LSAMP: variants seen among roughly 807,000 people sequenced by gnomAD.
The protein encoded by LSAMP is limbic system-associated membrane protein.
A neutral mutation model predicts 38.6 loss-of-function variants in LSAMP; 7 were observed. The observed-to-expected ratio is 0.18, with a 90% CI of 0.10 to 0.34. LSAMP has a LOEUF of 0.34. Ranked by LOEUF, LSAMP falls within the 10% of genes least tolerant of loss-of-function variation. The pLI is 1.00. For missense variants in LSAMP, 313 were observed against 420.0 expected (o/e 0.75, Z 2.23); for synonymous variants, 154 against 166.8 (o/e 0.92, Z 0.59).
intron 3 of LSAMP, among the ~76,000 whole-genome samples, chr3:115,979,542 A>C (rs1010109410): frequency 1.3e-5 from 2 of 152,184 alleles, no homozygotes; most frequent in African/African-American, 4.8e-5. Context: ...TTTTCTTTAG[A>C]AGTACCTTTG....
At chr3:116,383,228 C>T (rs920799955) in intron 1 of LSAMP, among the ~76,000 whole-genome samples, 3 of 152,028 alleles carry the variant, frequency 2.0e-5, no homozygotes, top group African/African-American at 7.2e-5. Context: ...AGTATTTTTT[C>T]GTATCTGAAA....
intron 1 of LSAMP, among the ~76,000 whole-genome samples, chr3:116,417,833 A>C (rs2107849946): frequency 6.7e-6 from 1 of 148,336 alleles, no homozygotes; most frequent in South Asian, 2.1e-4. Context: ...AGTAAAAAGT[A>C]TTTTGCTGTG....
At chr3:115,817,337 C>T (rs1577031663) in intron 6 of LSAMP, among the ~76,000 whole-genome samples, 1 of 152,174 alleles carries the variant, frequency 6.6e-6, no homozygotes, top group Non-Finnish European at 1.5e-5. Flanking sequence ...TTTATAGTTT[C>T]GTCCTCTTCA....
intron 2 of LSAMP, among the ~76,000 whole-genome samples, chr3:116,058,486 T>G (rs944164312): frequency 1.4e-4 from 22 of 152,208 alleles, no homozygotes; most frequent in South Asian, 2.1e-4. Context: ...ATTAAAAAGT[T>G]TTTTAAAAAT....
At chr3:116,297,811 TC>T (rs1317888958) in intron 1 of LSAMP, among the ~76,000 whole-genome samples, 18 of 152,352 alleles carry the variant, frequency 1.2e-4, no homozygotes, top group Non-Finnish European at 7.3e-5. Context: ...TAAATATTCA[TC>T]CTTTGCACTT....
At chr3:115,835,147 A>G (rs1401577002) in intron 6 of LSAMP, among the ~76,000 whole-genome samples, 2 of 152,208 alleles carry the variant, frequency 1.3e-5, no homozygotes, top group Non-Finnish European at 2.9e-5. Flanking sequence ...GTATAGGAGT[A>G]ACATCAAGGT....
At chr3:116,056,507 T>C (rs1178548337) in intron 2 of LSAMP, among the ~76,000 whole-genome samples, 4 of 152,150 alleles carry the variant, frequency 2.6e-5, no homozygotes, top group Non-Finnish European at 4.4e-5. Context: ...TGGTACTTAT[T>C]ATTAGTAGAA....
At chr3:116,005,840 CT>C (rs1940142491) in intron 3 of LSAMP, among the ~76,000 whole-genome samples, 1 of 152,152 alleles carries the variant, frequency 6.6e-6, no homozygotes, top group African/African-American at 2.4e-5. Flanking sequence ...AGGGTTGGCT[CT>C]ACTGATAGGC....
chr3:116,322,521 A>C (rs79402305), intron 1 of LSAMP, among the ~76,000 whole-genome samples: 10,980 of 152,242 alleles, frequency 0.072, 419 homozygotes, highest in African/African-American at 0.088. Flanking sequence ...AACACCACCC[A>C]TATCTTAACA....
intron 2 of LSAMP, among the ~76,000 whole-genome samples, chr3:116,066,111 C>A (rs890526140): frequency 6.6e-6 from 1 of 152,118 alleles, no homozygotes; most frequent in African/African-American, 2.4e-5. Context: ...AAGGTGCCAA[C>A]AGGTTTGGTG....
At chr3:116,376,221 A>G (rs2048490896) in intron 1 of LSAMP, among the ~76,000 whole-genome samples, 1 of 152,084 alleles carries the variant, frequency 6.6e-6, no homozygotes, top group Non-Finnish European at 1.5e-5. Context: ...AATAAGGTGA[A>G]ACAGCTACTG....
chr3:116,101,268 T>G (rs1471805124), intron 1 of LSAMP, among the ~76,000 whole-genome samples: 1 of 152,212 alleles, frequency 6.6e-6, no homozygotes, highest in East Asian at 1.9e-4. Context: ...ACAAGAAGTG[T>G]TTTTCTAATC....
At chr3:116,424,426 A>G (rs1316854471) in intron 1 of LSAMP, among the ~76,000 whole-genome samples, 1 of 152,212 alleles carries the variant, frequency 6.6e-6, no homozygotes, top group Non-Finnish European at 1.5e-5. Context: ...AATTTTCCAT[A>G]GTCGTACCTT....
At chr3:115,990,385 G>A (rs183841830) in intron 3 of LSAMP, among the ~76,000 whole-genome samples, 1 of 152,202 alleles carries the variant, frequency 6.6e-6, no homozygotes, top group East Asian at 1.9e-4. Context: ...TTGACAGGCA[G>A]CTTCTGATTA....
At position 115,859,390 on chromosome 3, in the gene LSAMP, A is replaced by G. The variant is rs115148202; in HGVS notation, c.515-6773T>C. On this transcript the variant is annotated intron_variant, in intron 3 of 6. Transcript: ENST00000490035. ...AAAAACAAAAACGGAGAGATGTGAT[A>G]TAATGAGAACGATTTTAGGGAAGAG... Among the ~76,000 whole-genome samples the G allele has an allele frequency of 4.3e-3, 648 of 152,352 alleles. 5 individuals carry two copies. Among genetic ancestry groups the G allele is most frequent in the African/African-American group, 0.014 (565 of 41,590 alleles).
In LSAMP at chr3:116,199,812, A is replaced by C. The variant is rs973400766; in HGVS notation, c.156-113256T>G. The stretch of plus-strand genomic sequence containing the variant: ...GGGGTCAGAATTAGGTTCATTGATA[A>C]GTTTATGAAAGGGAGAAGGTGGTTG... On this transcript the variant is annotated intron_variant, in intron 1 of 6. Transcript: ENST00000490035. Among the ~76,000 whole-genome samples, 3 of 152,176 alleles carry C rather than the reference A, an allele frequency of 2.0e-5. No homozygotes were observed. In the South Asian group the frequency reaches 6.2e-4, roughly 32 times the overall value.
intron 3 of LSAMP, among the ~76,000 whole-genome samples, chr3:115,876,551 A>G (rs1169420368): frequency 6.6e-6 from 1 of 151,986 alleles, no homozygotes; most frequent in East Asian, 1.9e-4. Context: ...TTTGATTTCT[A>G]TTAAAATTCT....
intron 1 of LSAMP, among the ~76,000 whole-genome samples, chr3:116,375,677 A>G (rs1022113501): frequency 1.3e-5 from 2 of 151,940 alleles, no homozygotes; most frequent in African/African-American, 4.8e-5. Context: ...TGTAATATCT[A>G]TAAGATATTG....
chr3:115,850,518 G>C (rs948154873), intron 4 of LSAMP, among the ~76,000 whole-genome samples: 3 of 152,150 alleles, frequency 2.0e-5, no homozygotes, highest in Non-Finnish European at 1.5e-5. Flanking sequence ...CCTTTCATGT[G>C]ACAAAAAGGT....
Sources: gnomAD v4.1 joint callset for allele counts (sites outside exome capture counted in the v4.1 genomes callset) on GRCh38, gnomAD v4.1.1 for gene constraint, MANE v1.5 for transcripts, NCBI Gene and HGNC (gene_info 2026-07-23, HGNC 2026-07-21) for gene names.